The following TNRC18 variants were observed in gnomAD, a reference collection of about 807,000 sequenced individuals.
TNRC18 encodes trinucleotide repeat containing 18.
TNRC18 carries 69 observed loss-of-function variants against 226.7 expected under a neutral mutation model. The observed-to-expected ratio is 0.30, with a 90% CI of 0.25 to 0.37. The LOEUF (loss-of-function observed/expected upper bound fraction) is 0.37, where lower values mean the gene tolerates loss of function less well. TNRC18 is among the 10% of genes least tolerant of loss of function. The pLI, the probability that TNRC18 is intolerant of heterozygous loss-of-function variation, is 1.00. For missense variants in TNRC18, 4,754 were observed against 4,256.6 expected (o/e 1.12, Z -3.25); for synonymous variants, 2,449 against 1,927.6 (o/e 1.27, Z -7.09).
chr7:5,357,443 G>A (rs1353165534), intron 15 of TNRC18, among the ~76,000 whole-genome samples, 167 bp from the exon 16 acceptor site: 3 of 151,646 alleles, frequency 2.0e-5, no homozygotes, highest in Non-Finnish European at 4.4e-5. Flanking sequence ...ACGGAGTCTC[G>A]CTCTGTCGCC....
chr7:5,362,038 G>C lies in TNRC18; in HGVS notation c.4396-5C>G, dbSNP rs530965032. On this transcript the variant is annotated splice_region_variant and splice_polypyrimidine_tract_variant and intron_variant, in intron 12 of 29. Coordinates refer to ENST00000430969, the MANE Select transcript of TNRC18 (RefSeq NM_001080495.3). ...GGAGGACTTCATGGCATACATCTGG[G>C]GGAAGAACCGGGAGAGGAGGAGGGG... The C allele has an allele frequency of 2.5e-6, 4 of 1,612,158 alleles. No homozygotes were observed. The African/African-American group carries it at 5.3e-5, about 22-fold the overall frequency.
At chr7:5,325,338 T>C in intron 19 of TNRC18, 90 bp from the exon 20 acceptor site, 2 of 1,443,268 alleles carry the variant, frequency 1.4e-6, no homozygotes, top group Non-Finnish European at 1.8e-6. Context: ...ACCCCCAAGT[T>C]CTGTGCCACC....
At chr7:5,318,961 A>G (rs1788095169) in intron 24 of TNRC18, among the ~76,000 whole-genome samples, 2 of 152,158 alleles carry the variant, frequency 1.3e-5, no homozygotes. Flanking sequence ...TAAAACAAGG[A>G]ACTGAACCAA....
chr7:5,366,728 C>G (rs1003288989), intron 11 of TNRC18, among the ~76,000 whole-genome samples: 3 of 152,174 alleles, frequency 2.0e-5, no homozygotes, highest in South Asian at 2.1e-4. Flanking sequence ...CCCATACCCC[C>G]GCCTCGAGGT....
In TNRC18 at chr7:5,332,783, G is replaced by A; in HGVS notation, c.5986C>T (p.Arg1996Trp). The change falls in exon 19 of 30, where the codon CGG becomes TGG. Residue 1996 changes from arginine to tryptophan, a missense_variant. Coordinates refer to ENST00000430969, the MANE Select transcript of TNRC18 (RefSeq NM_001080495.3). The part of the protein sequence containing the change: ...PEASDDDLWT[R>W]RRSERIFLHD... The stretch of plus-strand genomic sequence containing the variant: ...AGGAAGATGCGCTCGCTGCGGCGCC[G>A]CGTCCACAGGTCGTCGTCGCTGGCC... 6.6e-7 allele frequency: 1 copy of A among 1,512,994 alleles called. No homozygotes were observed. Among genetic ancestry groups the A allele is most frequent in the Non-Finnish European group, 8.8e-7 (1 of 1,137,888 alleles). 93.7% of individuals were successfully genotyped at this position (1,512,994 alleles called of 1,614,324 possible).
intron 14 of TNRC18, among the ~76,000 whole-genome samples, chr7:5,361,178 G>C (rs1037272077): frequency 2.0e-5 from 3 of 152,116 alleles, no homozygotes; most frequent in Admixed American, 6.5e-5. Flanking sequence ...CCCTGGTCTC[G>C]GGGCAAGCCA....
In TNRC18 at chr7:5,320,383, C is replaced by T; in HGVS notation, c.6680G>A (p.Gly2227Glu). The T allele has an allele frequency of 6.4e-7, 1 of 1,562,194 alleles. No individual in the cohort carries two copies. Among genetic ancestry groups the T allele is most frequent in the Non-Finnish European group, 8.7e-7 (1 of 1,153,082 alleles). Residue 2227 changes from glycine (G) to glutamate (E), a missense_variant, in exon 24 of 30, where the codon GGG becomes GAG. Coordinates refer to ENST00000430969, the MANE Select transcript of TNRC18 (RefSeq NM_001080495.3). ...GCTCCAGTAGGCTGCAATCCTGGTC[C>T]CTTGTGGCAAGAAGCGAGTGGAGGC... Reference protein sequence around the residue: ...RPASTRFLPQGTRIAAYWSQQ... With the variant: ...RPASTRFLPQETRIAAYWSQQ...
At position 5,387,832 on chromosome 7, in the gene TNRC18, G is replaced by A. The variant is rs781217318; in HGVS notation, c.1992C>T (p.Phe664=). The A allele has an allele frequency of 1.1e-5, 18 of 1,606,206 alleles. No individual in the cohort carries two copies. In the East Asian group the frequency reaches 2.7e-4, roughly 24 times the overall value. Residue 664 remains phenylalanine (F), a synonymous_variant, in exon 5 of 30, where the codon TTC becomes TTT. Transcript: ENST00000430969. ...CCTGGGCACCAGAGCCCTCGCGCCC[G>A]AAAGCTTTGGCGCTCTCGGGCCTCT... ...DPERPESAKA[F]GREGSGAQGE... is the part of the protein sequence containing the mutation.
Position 5,376,063 on chromosome 7 carries a change from A to G in TNRC18, c.2770T>C (p.Leu924=). The G allele has an allele frequency of 6.3e-7, 1 of 1,597,332 alleles. No homozygotes were observed. Among genetic ancestry groups the G allele is most frequent in the South Asian group, 1.1e-5 (1 of 88,168 alleles). ...LYLQQQAAQA[L]ELQRSAQLVQ... ...AGCTGGGCGCTCCTCTGCAGTTCCAAGGCCTGGGCCGCCTGCTGCTGCAGG... is the reference window on the plus strand; with the variant it reads ...AGCTGGGCGCTCCTCTGCAGTTCCAGGGCCTGGGCCGCCTGCTGCTGCAGG... The change falls in exon 9 of 30, where the codon TTG becomes CTG. Residue 924 remains leucine, a synonymous_variant. Coordinates refer to ENST00000430969, the MANE Select transcript of TNRC18 (RefSeq NM_001080495.3).
At chr7:5,327,032 G>A (rs1177164790) in intron 19 of TNRC18, among the ~76,000 whole-genome samples, 4 of 151,782 alleles carry the variant, frequency 2.6e-5, no homozygotes, top group Admixed American at 6.6e-5. Flanking sequence ...GCTGAGGCAG[G>A]AGAATCGCTT....
chr7:5,372,686 G>T (rs1172151838), intron 10 of TNRC18, among the ~76,000 whole-genome samples: 1 of 152,104 alleles, frequency 6.6e-6, no homozygotes, highest in Non-Finnish European at 1.5e-5. Flanking sequence ...CTGCACGGCA[G>T]CCTGGGTGAC....
chr7:5,307,207 G>GTTTTTTTTTTATAGT lies in TNRC18; in HGVS notation c.*898_*899insACTATAAAAAAAAAA, dbSNP rs11447827. The GTTTTTTTTTTATAGT allele has an allele frequency of 1.0e-4, 15 of 146,798 alleles. No individual in the cohort carries two copies. The highest frequency in any genetic ancestry group is 8.5e-4 in the South Asian group (4 of 4,724). The allele number at this position is 146,798 out of a possible 1,614,324, so 9.1% of individuals were successfully genotyped here. Reference sequence around the variant, plus strand: ...AAAATAATATTCTGCACGTCAGAATGTTTTTTTTTATAATTTCATAGCTAT... The same window carrying GTTTTTTTTTTATAGT: ...AAAATAATATTCTGCACGTCAGAATGTTTTTTTTTTATAGTTTTTTTTTTATAATTTCATAGCTAT... On this transcript the variant is annotated 3_prime_UTR_variant, in exon 30 of 30. Transcript: ENST00000430969.
Position 5,387,706 on chromosome 7 carries a change from G to T in TNRC18, c.2118C>A (p.Asp706Glu). The change falls in exon 5 of 30, where the codon GAC becomes GAA. Residue 706 changes from aspartate to glutamate, a missense_variant. Physicochemically the swap from Asp to Glu is conservative, Grantham distance 45. Coordinates refer to ENST00000430969, the MANE Select transcript of TNRC18 (RefSeq NM_001080495.3). Reference sequence around the variant, plus strand: ...TACTCAGCGACAGAGAGCGCTCCTGGTCTACCAGCCCAGGCCCCAGCCGGC... The same window carrying T: ...TACTCAGCGACAGAGAGCGCTCCTGTTCTACCAGCCCAGGCCCCAGCCGGC... Reference protein sequence around the residue: ...GSGRLGPGLVDQERSLSLSNV... With the variant: ...GSGRLGPGLVEQERSLSLSNV... 1 of 1,605,626 alleles carries T rather than the reference G, an allele frequency of 6.2e-7. No individual in the cohort carries two copies. The highest frequency in any genetic ancestry group is 8.5e-7 in the Non-Finnish European group (1 of 1,179,846).
intron 2 of TNRC18, among the ~76,000 whole-genome samples, chr7:5,397,302 T>C (rs1366700097): frequency 6.6e-6 from 1 of 152,134 alleles, no homozygotes; most frequent in Non-Finnish European, 1.5e-5. Flanking sequence ...CGCAAGAGCT[T>C]ACATCAGCCG....
chr7:5,403,830 AGACT>A (rs1781278465), intron 2 of TNRC18, among the ~76,000 whole-genome samples: 1 of 151,924 alleles, frequency 6.6e-6, no homozygotes, highest in Admixed American at 6.6e-5. Context: ...AAATGTCAAC[AGACT>A]ATCAGAGCAT....
At chr7:5,329,062 G>C (rs1327174684) in intron 19 of TNRC18, among the ~76,000 whole-genome samples, 1 of 152,166 alleles carries the variant, frequency 6.6e-6, no homozygotes, top group Non-Finnish European at 1.5e-5. Flanking sequence ...CAACACATTG[G>C]GAGGCTGAGG....
chr7:5,389,059 G>C lies in TNRC18; in HGVS notation c.765C>G (p.Pro255=). The part of the protein sequence containing the change: ...ARAEGRQDRG[P]PRLAERLSPF... The stretch of plus-strand genomic sequence containing the variant: ...GCGACAGGCGCTCAGCCAGGCGCGG[G>C]GGCCCCCGGTCCTGGCGGCCCTCGG... Residue 255 remains proline, a synonymous_variant, in exon 5 of 30, where the codon CCC becomes CCG. Transcript: ENST00000430969. The C allele has an allele frequency of 7.8e-7, 1 of 1,285,448 alleles. No homozygotes were observed. The allele number at this position is 1,285,448 out of a possible 1,614,324, so 79.6% of individuals were successfully genotyped here.
rs1329007843 is a variant in TNRC18 at position 5,332,862 on chromosome 7, G to A, written c.5907C>T (p.Arg1969=). 1.3e-6 allele frequency: 2 copies of A among 1,512,220 alleles called. No homozygotes were observed. Among genetic ancestry groups the A allele is most frequent in the African/African-American group, 2.8e-5 (2 of 70,636 alleles). 93.7% of individuals were successfully genotyped at this position (1,512,220 alleles called of 1,614,324 possible). A position where few individuals can be genotyped will look rare whatever the true frequency, so the allele number is the denominator to read the frequency against. Residue 1969 remains arginine, a synonymous_variant, in exon 19 of 30, where the codon CGC becomes CGT. Transcript: ENST00000430969. ...DKAKLAVEKG[R]KARKLRGPKE... ...TGGGGCCCCGCAGCTTCCGGGCCTT[G>A]CGCCCCTTCTCCACCGCCAGCTTGG...
intron 24 of TNRC18, 147 bp from the exon 25 acceptor site, chr7:5,316,219 G>T: frequency 2.0e-6 from 1 of 498,208 alleles, no homozygotes; most frequent in Non-Finnish European, 3.5e-6. Flanking sequence ...GTATACAGCG[G>T]CTCAGAATGT....
Sources: allele counts gnomAD v4.1 joint callset (sites outside exome capture counted in the v4.1 genomes callset), GRCh38; gene constraint gnomAD v4.1.1; transcripts MANE v1.5; gene names NCBI Gene and HGNC (gene_info 2026-07-23, HGNC 2026-07-21).